The following DLG5 variants were observed in gnomAD, a reference collection of about 807,000 sequenced individuals.
DLG5 encodes the protein discs large MAGUK scaffold protein 5.
DLG5 carries 48 observed loss-of-function variants against 189.8 expected under a neutral mutation model. That is an observed-to-expected ratio of 0.25 (90% CI 0.20 to 0.32). The LOEUF is 0.32. Among genes scored for constraint, DLG5 ranks in the 10% least tolerant of loss-of-function variants. The pLI, the probability that DLG5 is intolerant of heterozygous loss-of-function variation, is 1.00. For missense variants in DLG5, 2,160 were observed against 2,544.7 expected (o/e 0.85, Z 3.25); for synonymous variants, 1,016 against 1,054.1 (o/e 0.96, Z 0.70).
At position 77,821,779 on chromosome 10, in the gene DLG5, T is replaced by C. The variant is rs2154575650; in HGVS notation, c.2705A>G (p.Asp902Gly). ...LSSFRSDASG[D>G]RGFGLVDVRG... ...CACGTCCACCAGCCCAAAGCCACGGTCCCCAGAGGCATCTGAGCGGAAGGA... is the reference window on the plus strand; with the variant it reads ...CACGTCCACCAGCCCAAAGCCACGGCCCCCAGAGGCATCTGAGCGGAAGGA... The change falls in exon 15 of 32, where the codon GAC (aspartate) becomes GGC (glycine). Residue 902 changes from aspartate to glycine, a missense_variant. Transcript: ENST00000372391. 6 of 1,610,596 alleles carry C rather than the reference T, an allele frequency of 3.7e-6. No individual in the cohort carries two copies. The highest frequency in any genetic ancestry group is 3.3e-5 in the South Asian group (3 of 90,802).
intron 1 of DLG5, among the ~76,000 whole-genome samples, chr10:77,883,011 A>AC (rs1845329618): frequency 6.6e-6 from 1 of 151,934 alleles, no homozygotes; most frequent in Non-Finnish European, 1.5e-5. Flanking sequence ...ACCACACCTC[A>AC]CCTAGTTTCA....
At chr10:77,935,686 C>T in the DLG5 span, among the ~76,000 whole-genome samples, 1 of 152,218 alleles carries the variant, frequency 6.6e-6, no homozygotes, top group Admixed American at 6.5e-5. Flanking sequence ...TGTCCATGCA[C>T]TCACATTGAC....
chr10:77,816,863 C>G (rs966652861), intron 19 of DLG5, 144 bp downstream of exon 19: 3 of 1,336,856 alleles, frequency 2.2e-6, no homozygotes, highest in South Asian at 2.6e-5. Context: ...ACCCCCCACA[C>G]CACCAGGCCT....
At chr10:77,914,734 G>A (rs1182625783) in intron 1 of DLG5, among the ~76,000 whole-genome samples, 1 of 152,046 alleles carries the variant, frequency 6.6e-6, no homozygotes, top group Non-Finnish European at 1.5e-5. Context: ...GAACCTCCCA[G>A]GGGCTCAGCA....
chr10:77,814,754 T>C (rs1841970550), intron 20 of DLG5, among the ~76,000 whole-genome samples: 1 of 151,838 alleles, frequency 6.6e-6, no homozygotes, highest in African/African-American at 2.4e-5. Flanking sequence ...TTTGTATTTT[T>C]AGTAGAGACG....
chr10:77,835,896 A>G lies in DLG5; in HGVS notation c.1464T>C (p.Ala488=). ...TTTCAACCTCCTTGTTGGCTCTCCC[A>G]GCATCCATTGTCACCGTGTCTTTGA... is the stretch of plus-strand genomic sequence containing the variant. The part of the protein sequence containing the change: ...RQIKDTVTMD[A]GRANKEVEIL... Residue 488 remains alanine (A), a synonymous_variant, in exon 8 of 32, where the codon GCT becomes GCC. Coordinates refer to ENST00000372391, the MANE Select transcript of DLG5 (RefSeq NM_004747.4). The G allele has an allele frequency of 6.2e-7, 1 of 1,613,560 alleles. No homozygotes were observed. Among genetic ancestry groups the G allele is most frequent in the Non-Finnish European group, 8.5e-7 (1 of 1,179,598 alleles).
chr10:77,893,723 C>A (rs1174383984), intron 1 of DLG5, among the ~76,000 whole-genome samples: 1 of 152,224 alleles, frequency 6.6e-6, no homozygotes, highest in South Asian at 2.1e-4. Flanking sequence ...CAAAAAGTAA[C>A]CAAAACATAG....
the DLG5 span, among the ~76,000 whole-genome samples, chr10:77,934,081 G>A: frequency 6.6e-6 from 1 of 151,414 alleles, no homozygotes; most frequent in East Asian, 1.9e-4. Flanking sequence ...AATAAAAAAG[G>A]GCAAGTAGGC....
rs952113563 is a variant in DLG5 at position 77,812,464 on chromosome 10, G to A, written c.4026-87C>T. On this transcript the variant is annotated intron_variant, in intron 20 of 31. Coordinates refer to ENST00000372391, the MANE Select transcript of DLG5 (RefSeq NM_004747.4). ...AGCTCTCTGATCAGGCATATGATCT[G>A]ACAGTGCAGAAAGGGCCCCGAGCCT... is the stretch of plus-strand genomic sequence containing the variant. 2.7e-6 allele frequency: 4 copies of A among 1,486,594 alleles called. No homozygotes were observed. The Admixed American group carries it at 7.8e-5, about 29-fold the overall frequency. 92.1% of individuals were successfully genotyped at this position (1,486,594 alleles called of 1,614,324 possible). A position where few individuals can be genotyped will look rare whatever the true frequency, so the allele number is the denominator to read the frequency against.
chr10:77,798,390 C>T (rs75041040), intron 27 of DLG5, among the ~76,000 whole-genome samples: 2,263 of 152,120 alleles, frequency 0.015, 53 homozygotes, highest in African/African-American at 0.051. Flanking sequence ...GAACTTCCTC[C>T]GAGAGGAGTT....
chr10:77,887,094 T>C (rs959466679), intron 1 of DLG5, among the ~76,000 whole-genome samples: 4 of 152,168 alleles, frequency 2.6e-5, no homozygotes, highest in Admixed American at 2.0e-4. Flanking sequence ...TGCAGGCCCT[T>C]CCAATACAGA....
chr10:77,906,584 G>A (rs755441712), intron 1 of DLG5, among the ~76,000 whole-genome samples: 1 of 146,608 alleles, frequency 6.8e-6, no homozygotes, highest in Admixed American at 6.8e-5. Context: ...GAGGTCGACT[G>A]TTCAGGATGG....
At chr10:77,906,484 G>A (rs755972143) in intron 1 of DLG5, among the ~76,000 whole-genome samples, 10 of 152,134 alleles carry the variant, frequency 6.6e-5, no homozygotes, top group Admixed American at 3.9e-4. Flanking sequence ...TTCTTGAATC[G>A]TCAGGGACTT....
At chr10:77,904,442 T>C (rs1232945469) in intron 1 of DLG5, among the ~76,000 whole-genome samples, 1 of 152,046 alleles carries the variant, frequency 6.6e-6, no homozygotes, top group Non-Finnish European at 1.5e-5. Flanking sequence ...GGACCTGAGA[T>C]TTGGAGGGGC....
the DLG5 span, among the ~76,000 whole-genome samples, chr10:77,937,015 G>A: frequency 6.6e-6 from 1 of 152,012 alleles, no homozygotes; most frequent in African/African-American, 2.4e-5. Context: ...ATTATCTCCT[G>A]GTCAGCCTAG....
intron 3 of DLG5, among the ~76,000 whole-genome samples, chr10:77,856,453 G>GAGAC (rs1844230872): frequency 6.7e-6 from 1 of 149,876 alleles, no homozygotes; most frequent in Admixed American, 6.6e-5. Context: ...CAGTGGTAGG[G>GAGAC]ACACACACAC....
At chr10:77,937,528 C>T in the DLG5 span, among the ~76,000 whole-genome samples, 29 of 152,094 alleles carry the variant, frequency 1.9e-4, no homozygotes, top group African/African-American at 7.0e-4. Context: ...TTCAGAAATA[C>T]CTGAGAATTG....
At chr10:77,857,030 T>A in intron 2 of DLG5, 138 bp from the exon 3 acceptor site, 1 of 748,608 alleles carries the variant, frequency 1.3e-6, no homozygotes, top group East Asian at 2.7e-5. Context: ...CTTTCACAGA[T>A]GAGAACACTG....
chr10:77,836,290 T>A (rs1843132073), intron 7 of DLG5, among the ~76,000 whole-genome samples: 1 of 152,100 alleles, frequency 6.6e-6, no homozygotes, highest in African/African-American at 2.4e-5. Context: ...TCCACTAAAA[T>A]TTCAAGTCAA....
Sources: gnomAD v4.1 joint callset for allele counts (sites outside exome capture counted in the v4.1 genomes callset) on GRCh38, gnomAD v4.1.1 for gene constraint, MANE v1.5 for transcripts, NCBI Gene and HGNC (gene_info 2026-07-23, HGNC 2026-07-21) for gene names.